OCA2: variants seen among roughly 807,000 people sequenced by gnomAD.
OCA2 encodes the protein OCA2 melanosomal transmembrane protein.
A neutral mutation model predicts 100.2 loss-of-function variants in OCA2; 77 were observed. That is an observed-to-expected ratio of 0.77 (90% CI 0.64 to 0.93). The LOEUF (loss-of-function observed/expected upper bound fraction) is 0.93. Ranked by LOEUF, OCA2 falls within the 40% of genes least tolerant of loss-of-function variation. OCA2 has a pLI of 0.00. For synonymous variants in OCA2, 432 were observed against 439.2 expected (o/e 0.98, Z 0.21); for missense variants, 1,062 against 1,089.1 (o/e 0.98, Z 0.35).
At chr15:27,971,505 C>T (rs2040790223) in intron 14 of OCA2, among the ~76,000 whole-genome samples, 1 of 152,088 alleles carries the variant, frequency 6.6e-6, no homozygotes, top group Non-Finnish European at 1.5e-5. Flanking sequence ...TACAGCCAGG[C>T]CGACTCATGC....
At chr15:28,005,739 G>A (rs1307993060) in intron 9 of OCA2, among the ~76,000 whole-genome samples, 1 of 152,162 alleles carries the variant, frequency 6.6e-6, no homozygotes, top group Non-Finnish European at 1.5e-5. Context: ...TAATCACTCT[G>A]CAAAGCCCCT....
At chr15:28,084,664 G>A (rs1293342352) in intron 1 of OCA2, among the ~76,000 whole-genome samples, 1 of 152,290 alleles carries the variant, frequency 6.6e-6, no homozygotes, top group East Asian at 1.9e-4. Flanking sequence ...GGAAAAATCT[G>A]CTGCCAAGGT....
chr15:28,083,248 G>A (rs2044709050), intron 1 of OCA2, among the ~76,000 whole-genome samples: 1 of 152,220 alleles, frequency 6.6e-6, no homozygotes, highest in Non-Finnish European at 1.5e-5. Flanking sequence ...AGCTGAGTAA[G>A]CCAAGCACTG....
intron 23 of OCA2, among the ~76,000 whole-genome samples, chr15:27,793,742 G>A (rs1566967717): frequency 6.6e-6 from 1 of 152,246 alleles, no homozygotes; most frequent in African/African-American, 2.4e-5. Flanking sequence ...ATTCTGCGGT[G>A]TGCAAGGGCC....
At chr15:27,879,183 C>T (rs1405851479) in intron 19 of OCA2, among the ~76,000 whole-genome samples, 1 of 152,078 alleles carries the variant, frequency 6.6e-6, no homozygotes, top group Non-Finnish European at 1.5e-5. Context: ...AAGGACATGA[C>T]CTTGTTCCTT....
At chr15:27,731,820 G>T in the OCA2 span, among the ~76,000 whole-genome samples, 2 of 152,222 alleles carry the variant, frequency 1.3e-5, no homozygotes, top group Non-Finnish European at 2.9e-5. Context: ...ATTTAAAGAT[G>T]ATGCATATGT....
At chr15:28,035,752 T>C (rs543211371) in intron 2 of OCA2, among the ~76,000 whole-genome samples, 7 of 152,200 alleles carry the variant, frequency 4.6e-5, no homozygotes, top group Non-Finnish European at 1.0e-4. Context: ...ATAAACTCTG[T>C]ATATACATTT....
intron 18 of OCA2, among the ~76,000 whole-genome samples, chr15:27,930,188 G>A (rs188558271): frequency 1.4e-4 from 22 of 152,268 alleles, no homozygotes; most frequent in Admixed American, 1.4e-3. Context: ...AATTGAACAC[G>A]ATGTTTGCTG....
In OCA2 at chr15:27,959,532, C is replaced by T. The variant is rs148592341; in HGVS notation, c.1637-1797G>A. Among the ~76,000 whole-genome samples, 510 of 152,332 alleles carry T rather than the reference C, an allele frequency of 3.3e-3. 2 individuals carry two copies. Among genetic ancestry groups the T allele is most frequent in the African/African-American group, 0.012 (481 of 41,586 alleles). On this transcript the variant is annotated intron_variant, in intron 15 of 23. Coordinates refer to ENST00000354638, the MANE Select transcript of OCA2 (RefSeq NM_000275.3). ...CGTCCATAAAGTACCAGAGACTTTC[C>T]AGCCATTCTCTAAAGGCATCACGGT...
chr15:27,904,394 G>T (rs1286498924), intron 19 of OCA2, among the ~76,000 whole-genome samples: 1 of 152,194 alleles, frequency 6.6e-6, no homozygotes, highest in Non-Finnish European at 1.5e-5. Flanking sequence ...AGCTTTGGAG[G>T]ACGGAAGAAC....
At chr15:27,768,894 C>T (rs563268336) in intron 23 of OCA2, among the ~76,000 whole-genome samples, 3 of 152,314 alleles carry the variant, frequency 2.0e-5, no homozygotes, top group African/African-American at 7.2e-5. Flanking sequence ...TGCTTCCTCC[C>T]GTGGGATGCA....
chr15:27,776,974 T>TGGGGGGGGGGGGGGGGGGGGGGGGGGG (rs368182175), intron 23 of OCA2, among the ~76,000 whole-genome samples: 1 of 43,172 alleles, frequency 2.3e-5, no homozygotes, highest in Non-Finnish European at 7.2e-5. Flanking sequence ...GAGCGTGAGG[T>TGGGGGGGGGGGGGGGGGGGGGGGGGGG]GGGGGGGGGT....
chr15:27,950,868 G>A (rs1246881155), intron 18 of OCA2, among the ~76,000 whole-genome samples: 1 of 152,112 alleles, frequency 6.6e-6, no homozygotes, highest in Non-Finnish European at 1.5e-5. Flanking sequence ...ATTTCACAGT[G>A]AACCAAGGTT....
intron 23 of OCA2, among the ~76,000 whole-genome samples, chr15:27,768,577 G>C (rs2031468888): frequency 6.6e-6 from 1 of 152,172 alleles, no homozygotes; most frequent in East Asian, 1.9e-4. Flanking sequence ...AAACTCTCTT[G>C]TAACTGCAGC....
intron 23 of OCA2, among the ~76,000 whole-genome samples, chr15:27,807,361 G>T (rs2033899960): frequency 6.6e-6 from 1 of 152,160 alleles, no homozygotes; most frequent in African/African-American, 2.4e-5. Flanking sequence ...CACTCCTGAT[G>T]CCGGTGCTGT....
At chr15:28,084,118 A>G (rs1249572772) in intron 1 of OCA2, among the ~76,000 whole-genome samples, 1 of 152,212 alleles carries the variant, frequency 6.6e-6, no homozygotes, top group Non-Finnish European at 1.5e-5. Flanking sequence ...GAGTCGTGGG[A>G]GAGCTCAGCT....
At position 27,987,547 on chromosome 15, in the gene OCA2, A is replaced by G. The variant is rs576456638; in HGVS notation, c.1183-904T>C. Among the ~76,000 whole-genome samples, 722 of 132,926 alleles carry G rather than the reference A, an allele frequency of 5.4e-3. 9 individuals are homozygous for G. Among genetic ancestry groups the G allele is most frequent in the African/African-American group, 0.012 (464 of 38,092 alleles). 87.2% of individuals were successfully genotyped at this position (132,926 alleles called of 152,430 possible). On this transcript the variant is annotated intron_variant, in intron 11 of 23. Coordinates refer to ENST00000354638, the MANE Select transcript of OCA2 (RefSeq NM_000275.3). ...CTCCTGGCTAACATGGTGAAACCCC[A>G]TCTCTACTAAAAAAAAAAAAAAATA...
chr15:28,033,796 C>T (rs1472022756), intron 2 of OCA2, among the ~76,000 whole-genome samples: 1 of 152,144 alleles, frequency 6.6e-6, no homozygotes, highest in East Asian at 1.9e-4. Flanking sequence ...AGTTGAGATC[C>T]TCCCACCCCT....
At chr15:27,925,467 C>A (rs2039010140) in intron 19 of OCA2, among the ~76,000 whole-genome samples, 1 of 152,138 alleles carries the variant, frequency 6.6e-6, no homozygotes, top group African/African-American at 2.4e-5. Flanking sequence ...TCAAAACATA[C>A]TTTGAAATAA....
Sources: allele counts gnomAD v4.1 joint callset (sites outside exome capture counted in the v4.1 genomes callset), GRCh38; gene constraint gnomAD v4.1.1; transcripts MANE v1.5; gene names NCBI Gene and HGNC (gene_info 2026-07-23, HGNC 2026-07-21).